The following MFSD2B variants were observed in gnomAD, a reference collection of about 807,000 sequenced individuals.
MFSD2B encodes sphingosine-1-phosphate transporter MFSD2B.
In MFSD2B, 56 loss-of-function variants were observed where a neutral mutation model predicts 58.4. The observed-to-expected ratio is 0.96, with a 90% CI of 0.77 to 1.20. The LOEUF (loss-of-function observed/expected upper bound fraction) is 1.20, where lower values mean the gene tolerates loss of function less well. Among genes scored for constraint, MFSD2B ranks in the 50% most tolerant of loss-of-function variants. The pLI, the probability that MFSD2B is intolerant of heterozygous loss-of-function variation, is 0.00. For synonymous variants in MFSD2B, 287 were observed against 294.4 expected, an observed-to-expected ratio of 0.97 and a Z score of 0.26; for missense variants, 645 against 667.6, an observed-to-expected ratio of 0.97 and a Z score of 0.37.
At chr2:24,018,758 G>A (rs1662632702) in intron 6 of MFSD2B, 2 of 165,388 alleles carry the variant, frequency 1.2e-5, no homozygotes, top group East Asian at 1.1e-4. Flanking sequence ...GGTGGCCCTC[G>A]CCTTCAGGAC....
intron 13 of MFSD2B, 119 bp from the exon 14 acceptor site, chr2:24,025,313 T>G: frequency 1.2e-6 from 1 of 847,440 alleles, no homozygotes; most frequent in Non-Finnish European, 1.9e-6. Flanking sequence ...GGGGAGGAGT[T>G]GAAGAGGAGT....
chr2:24,018,421 C>T (rs1054094630), intron 6 of MFSD2B: 1 of 179,350 alleles, frequency 5.6e-6, no homozygotes, highest in Non-Finnish European at 1.2e-5. Flanking sequence ...AATGTTCATC[C>T]TCATTGCCTC....
In MFSD2B at chr2:24,025,370, C is replaced by T. The variant is rs552304949; in HGVS notation, c.1491-62C>T. 6.8e-4 allele frequency: 1,010 copies of T among 1,484,736 alleles called. 1 individual carries two copies. The highest frequency in any genetic ancestry group is 3.5e-3 in the Admixed American group (178 of 50,916). 92.0% of individuals were successfully genotyped at this position (1,484,736 alleles called of 1,614,324 possible). A position where few individuals can be genotyped will look rare whatever the true frequency, so the allele number is the denominator to read the frequency against. On this transcript the variant is annotated intron_variant, in intron 13 of 13. Transcript: ENST00000338315. ...CCACCAAACCTTCCGCGGGCTTCTG[C>T]GGCAGGACAGAGGGCCCACACCACT...
rs1709220769 is a variant in MFSD2B, at chr2:24,017,952, TCCTATGA to T, written c.681+367_681+373del. ...CTCGCAGAGCCCTGGGTAAAGCCCT[TCCTATGA>T]CCCATGCCCCCTCCCCCAGCCCTGA... is the stretch of plus-strand genomic sequence containing the variant. On this transcript the variant is annotated intron_variant, in intron 6 of 13. Transcript: ENST00000338315. The surrounding 1 kb of genome is among the most constrained non-coding windows in gnomAD (Gnocchi z 4.8). 6.6e-6 allele frequency among the ~76,000 whole-genome samples: 1 copy of T among 151,978 alleles called. No individual in the cohort carries two copies. Among genetic ancestry groups the T allele is most frequent in the African/African-American group, 2.4e-5 (1 of 41,372 alleles).
At chr2:24,015,519 A>G (rs951215813) in intron 2 of MFSD2B, among the ~76,000 whole-genome samples, 10 of 152,344 alleles carry the variant, frequency 6.6e-5, no homozygotes, top group African/African-American at 2.4e-4. Flanking sequence ...GTCTGATATG[A>G]TCCCATTTAT....
At chr2:24,013,220 C>T in intron 1 of MFSD2B, 65 bp from the exon 2 acceptor site, 1 of 1,486,764 alleles carries the variant, frequency 6.7e-7, no homozygotes, top group Non-Finnish European at 9.1e-7. Flanking sequence ...TTACTGAAGT[C>T]ATGGGGTGTG....
rs553183751 is a variant in MFSD2B at position 24,012,190 on chromosome 2, A to G, written c.97-1095A>G. On this transcript the variant is annotated intron_variant, in intron 1 of 13. Transcript: ENST00000338315. The surrounding 1 kb of genome is among the most constrained non-coding windows in gnomAD (Gnocchi z 4.5). ...CACACACACACACACAAAAACAGAC[A>G]AAAAAACCCTGCAATAGCAAGCCAT... is the stretch of plus-strand genomic sequence containing the variant. Among the ~76,000 whole-genome samples, 2 of 151,942 alleles carry G rather than the reference A, an allele frequency of 1.3e-5. No homozygotes were observed. The highest frequency in any genetic ancestry group is 4.8e-5 in the African/African-American group (2 of 41,376).
intron 6 of MFSD2B, among the ~76,000 whole-genome samples, chr2:24,019,679 C>T (rs182254464): frequency 8.9e-4 from 136 of 152,294 alleles, no homozygotes; most frequent in African/African-American, 3.1e-3. Flanking sequence ...GCAGGGATCA[C>T]GCCATTGCAC....
rs994708509 is a variant in MFSD2B at position 24,017,408 on chromosome 2, C to T, written c.550+44C>T. Reference sequence around the variant, plus strand: ...TTCGGGTTCCAGGGAGGCAACTGCCCCTGGGACCCCACTCCCTCTCAGTCA... The same window carrying T: ...TTCGGGTTCCAGGGAGGCAACTGCCTCTGGGACCCCACTCCCTCTCAGTCA... On this transcript the variant is annotated intron_variant, in intron 5 of 13. Coordinates refer to ENST00000338315, the MANE Select transcript of MFSD2B (RefSeq NM_001346880.2). The surrounding 1 kb of genome is among the most constrained non-coding windows in gnomAD (Gnocchi z 4.8). 1.9e-6 allele frequency: 3 copies of T among 1,596,832 alleles called. No individual in the cohort carries two copies. The highest frequency in any genetic ancestry group is 2.6e-6 in the Non-Finnish European group (3 of 1,172,048).
chr2:24,016,858 AC>A lies in MFSD2B; in HGVS notation c.366del (p.Phe123SerfsTer48). 6.2e-7 allele frequency: 1 copy of A among 1,613,188 alleles called. No individual in the cohort carries two copies. Among genetic ancestry groups the A allele is most frequent in the Non-Finnish European group, 8.5e-7 (1 of 1,179,750 alleles). On this transcript the variant is annotated frameshift_variant, in exon 4 of 14. Transcript: ENST00000338315. LOFTEE classifies it high-confidence loss of function. ...GRLMPWVLGC[T>X]PFIALAYFFL... The stretch of plus-strand genomic sequence containing the variant: ...GTGCTTCCGCAGGGTGCTGGGCTGC[AC>A]CCCCTTCATCGCCCTGGCCTACTTC...
rs556778684 is a variant in MFSD2B, at chr2:24,014,261, C to T, written c.222+851C>T. The stretch of plus-strand genomic sequence containing the variant: ...ACTCCTGACCTCGTGATCCACCCAC[C>T]TCAGCCTCCCAAAGTGCTGGGATTA... On this transcript the variant is annotated intron_variant, in intron 2 of 13. Transcript: ENST00000338315. Among the ~76,000 whole-genome samples, 3 of 152,256 alleles carry T rather than the reference C, an allele frequency of 2.0e-5. No homozygotes were observed. In the South Asian group the frequency reaches 6.2e-4, roughly 32 times the overall value.
rs1662986909 is a variant in MFSD2B at position 24,026,669 on chromosome 2, CGGGGACAGAAACTCTTGTGTA to C, written c.*1220_*1240del. On this transcript the variant is annotated 3_prime_UTR_variant, in exon 14 of 14. Coordinates refer to ENST00000338315, the MANE Select transcript of MFSD2B (RefSeq NM_001346880.2). Reference sequence around the variant, plus strand: ...GTACCAGGAGGTCTACCCCACTCCACGGGGACAGAAACTCTTGTGTAGGGGACCCTTTTAGATTTCATTCTA... The same window carrying C: ...GTACCAGGAGGTCTACCCCACTCCACGGGGACCCTTTTAGATTTCATTCTA... 6.6e-6 allele frequency: 1 copy of C among 152,172 alleles called. No individual in the cohort carries two copies. Among genetic ancestry groups the C allele is most frequent in the Non-Finnish European group, 1.5e-5 (1 of 68,036 alleles). The allele number at this position is 152,172 out of a possible 1,614,324, so 9.4% of individuals were successfully genotyped here.
At position 24,023,249 on chromosome 2, in the gene MFSD2B, G is replaced by A. The variant is rs750622393; in HGVS notation, c.1169+10G>A. The A allele has an allele frequency of 1.2e-6, 2 of 1,608,330 alleles. No individual in the cohort carries two copies. The highest frequency in any genetic ancestry group is 3.3e-5 in the Admixed American group (2 of 59,998). On this transcript the variant is annotated intron_variant, in intron 11 of 13. Transcript: ENST00000338315. The surrounding 1 kb of genome is among the most constrained non-coding windows in gnomAD (Gnocchi z 5.0). ...CCTTGCTGCTACCCTGGTAGGCTGG[G>A]TGTGGGGGCCTCACGTGTGTCCACA... is the stretch of plus-strand genomic sequence containing the variant.
chr2:24,010,262 C>G, intron 1 of MFSD2B, 70 bp downstream of exon 1: 1 of 1,199,446 alleles, frequency 8.3e-7, no homozygotes, highest in Non-Finnish European at 1.1e-6. Flanking sequence ...CCTCGCAGCC[C>G]CTTTTCCAGC....
In MFSD2B at chr2:24,012,202, C is replaced by A. The variant is rs1708985101; in HGVS notation, c.97-1083C>A. 6.7e-6 allele frequency among the ~76,000 whole-genome samples: 1 copy of A among 150,120 alleles called. No homozygotes were observed. The highest frequency in any genetic ancestry group is 2.5e-5 in the African/African-American group (1 of 40,664). ...CACAAAAACAGACAAAAAAACCCTG[C>A]AATAGCAAGCCATTGGAGAGTTTTA... On this transcript the variant is annotated intron_variant, in intron 1 of 13. Coordinates refer to ENST00000338315, the MANE Select transcript of MFSD2B (RefSeq NM_001346880.2). This position sits in a 1 kb window ranked among gnomAD's most constrained non-coding sequence, Gnocchi z 4.5.
At position 24,023,145 on chromosome 2, in the gene MFSD2B, G is replaced by A; in HGVS notation, c.1075G>A (p.Ala359Thr). 2 of 1,612,792 alleles carry A rather than the reference G, an allele frequency of 1.2e-6. No individual in the cohort carries two copies. Among genetic ancestry groups the A allele is most frequent in the Non-Finnish European group, 1.7e-6 (2 of 1,179,824 alleles). ...AFGIFAMVPF[A>T]ILLAAVPTAP... ...GTCTCCCCAGGCGATGGTGCCCTTT[G>A]CGATCTTGCTGGCTGCTGTGCCCAC... Residue 359 changes from alanine to threonine, a missense_variant, in exon 11 of 14, where the codon GCG (alanine) becomes ACG (threonine). Transcript: ENST00000338315. This position sits in a 1 kb window ranked among gnomAD's most constrained non-coding sequence, Gnocchi z 5.0.
At position 24,021,992 on chromosome 2, in the gene MFSD2B, C is replaced by A; in HGVS notation, c.894+22C>A. 6.2e-7 allele frequency: 1 copy of A among 1,613,772 alleles called. No homozygotes were observed. Among genetic ancestry groups the A allele is most frequent in the South Asian group, 1.1e-5 (1 of 91,048 alleles). ...TCAGGTACCTCTGGCCAGCTGCCCC[C>A]GACAGGCTTGGTGCTGGCCATGCTG... On this transcript the variant is annotated intron_variant, in intron 8 of 13. Transcript: ENST00000338315. The surrounding 1 kb of genome is among the most constrained non-coding windows in gnomAD (Gnocchi z 5.7).
intron 2 of MFSD2B, 58 bp downstream of exon 2, chr2:24,013,468 C>A: frequency 1.3e-6 from 2 of 1,481,984 alleles, no homozygotes; most frequent in Non-Finnish European, 1.8e-6. Flanking sequence ...CTGGTCCTTC[C>A]ACCCCCACCT....
Position 24,023,599 on chromosome 2 carries a change from G to A in MFSD2B, c.1186G>A (p.Val396Met), listed in dbSNP as rs754893160. 178 of 1,613,828 alleles carry A rather than the reference G, an allele frequency of 1.1e-4. No homozygotes were observed. The highest frequency in any genetic ancestry group is 3.3e-4 in the Middle Eastern group (2 of 6,078). ...CCGCCGCAGGTCCATGCTGCCAGAC[G>A]TGGTGGATGACTTTCAGCTGCAGCA... ...LLLPWSMLPD[V>M]VDDFQLQHRH... The change falls in exon 12 of 14, where the codon GTG becomes ATG. Residue 396 changes from valine to methionine, a missense_variant. Val to Met is a conservative substitution (Grantham distance 21). Coordinates refer to ENST00000338315, the MANE Select transcript of MFSD2B (RefSeq NM_001346880.2). The surrounding 1 kb of genome is among the most constrained non-coding windows in gnomAD (Gnocchi z 5.0).
Sources: gnomAD v4.1 joint callset for allele counts (sites outside exome capture counted in the v4.1 genomes callset) on GRCh38, gnomAD v4.1.1 for gene constraint, Gnocchi (gnomAD v3.1) non-coding constraint, MANE v1.5 for transcripts, NCBI Gene and HGNC (gene_info 2026-07-23, HGNC 2026-07-21) for gene names.